The following NYAP2 variants were observed in gnomAD, a reference collection of about 807,000 sequenced individuals.
NYAP2 encodes the protein neuronal tyrosine-phosphorylated phosphoinositide-3-kinase adaptor 2.
A neutral mutation model predicts 50.4 loss-of-function variants in NYAP2; 23 were observed. The observed-to-expected ratio is 0.46, with a 90% CI of 0.33 to 0.65. The LOEUF is 0.65. Ranked by LOEUF, NYAP2 falls within the 30% of genes least tolerant of loss-of-function variation. The pLI is 0.02. For synonymous variants in NYAP2, 394 were observed against 365.2 expected (o/e 1.08, Z -0.90); for missense variants, 885 against 861.0 (o/e 1.03, Z -0.35).
At chr2:225,546,878 G>A (rs1364045933) in intron 4 of NYAP2, among the ~76,000 whole-genome samples, 3 of 152,132 alleles carry the variant, frequency 2.0e-5, no homozygotes, top group Non-Finnish European at 4.4e-5. Flanking sequence ...GCTCTTCAGG[G>A]CCTGCAAGCT....
At chr2:225,453,924 G>C (rs1033982494) in intron 3 of NYAP2, among the ~76,000 whole-genome samples, 1 of 149,466 alleles carries the variant, frequency 6.7e-6, no homozygotes, top group Admixed American at 6.7e-5. Flanking sequence ...TGATCTTCCT[G>C]CCTTGGCCTC....
intron 3 of NYAP2, among the ~76,000 whole-genome samples, chr2:225,498,432 G>A: frequency 6.6e-6 from 1 of 151,968 alleles, no homozygotes; most frequent in Non-Finnish European, 1.5e-5. Flanking sequence ...TTATGTGAGT[G>A]GATATGACGA....
the NYAP2 span, among the ~76,000 whole-genome samples, chr2:225,683,047 G>C: frequency 1.3e-5 from 2 of 152,030 alleles, no homozygotes; most frequent in African/African-American, 2.4e-5. Context: ...ACTCTTCCCA[G>C]TATTATTCCT....
chr2:225,561,174 C>T (rs553919543), intron 4 of NYAP2, among the ~76,000 whole-genome samples: 9 of 151,914 alleles, frequency 5.9e-5, no homozygotes, highest in South Asian at 4.2e-4. Context: ...ATTAGGGGGA[C>T]GACAGACAGG....
rs570241415 is a variant in NYAP2, at chr2:225,644,253, C to T, written c.1829-7179C>T. On this transcript the variant is annotated intron_variant, in intron 6 of 6. Coordinates refer to ENST00000636099, the Ensembl canonical transcript of NYAP2. ...ATAAATGCCTTCTTTTGAGAAGTGT[C>T]TGTTCATGTCCTTCACCCACTTTTT... Among the ~76,000 whole-genome samples the T allele has an allele frequency of 3.3e-5, 5 of 152,274 alleles. No individual in the cohort carries two copies. In the South Asian group the frequency reaches 1.0e-3, roughly 32 times the overall value.
At chr2:225,429,299 C>T (rs1275241096) in intron 3 of NYAP2, among the ~76,000 whole-genome samples, 2 of 152,138 alleles carry the variant, frequency 1.3e-5, no homozygotes, top group Admixed American at 6.5e-5. Flanking sequence ...AATTCAAATG[C>T]TAAGCTTGCA....
the NYAP2 span, among the ~76,000 whole-genome samples, chr2:225,665,447 G>T: frequency 6.6e-6 from 1 of 152,028 alleles, no homozygotes; most frequent in Admixed American, 6.6e-5. Context: ...TTCCTGTCCT[G>T]CTGGTCTTCT....
intron 5 of NYAP2, among the ~76,000 whole-genome samples, chr2:225,618,680 T>A (rs1693033109): frequency 6.6e-6 from 1 of 152,038 alleles, no homozygotes; most frequent in Non-Finnish European, 1.5e-5. Flanking sequence ...CAACTCATCA[T>A]CTCCACAATT....
At chr2:225,402,511 C>T (rs1289866593) in intron 2 of NYAP2, among the ~76,000 whole-genome samples, 4 of 151,950 alleles carry the variant, frequency 2.6e-5, no homozygotes, top group Admixed American at 2.0e-4. Context: ...AATCTCTTTA[C>T]ACCATGGGCA....
At chr2:225,608,957 C>A (rs921568936) in intron 5 of NYAP2, among the ~76,000 whole-genome samples, 3 of 152,090 alleles carry the variant, frequency 2.0e-5, no homozygotes, top group Non-Finnish European at 4.4e-5. Context: ...TCTTTTCATT[C>A]CTTCTGTCAG....
chr2:225,614,601 T>C (rs1351584273), intron 5 of NYAP2, among the ~76,000 whole-genome samples: 2 of 152,244 alleles, frequency 1.3e-5, no homozygotes, highest in East Asian at 3.8e-4. Flanking sequence ...ATTTTTGAAC[T>C]GTATTTGTCA....
chr2:225,536,510 A>G (rs1542367), intron 4 of NYAP2, among the ~76,000 whole-genome samples: 91,828 of 151,914 alleles, frequency 0.6, 28,983 homozygotes, highest in African/African-American at 0.79. Context: ...TATTCTTTTT[A>G]TTGCTGTTGT....
At chr2:225,629,049 T>A (rs1024276442) in intron 6 of NYAP2, among the ~76,000 whole-genome samples, 1 of 152,178 alleles carries the variant, frequency 6.6e-6, no homozygotes, top group Non-Finnish European at 1.5e-5. Flanking sequence ...GTTCGCATAA[T>A]CATGCAGGCA....
the NYAP2 span, among the ~76,000 whole-genome samples, chr2:225,665,838 GC>G: frequency 4.4e-5 from 1 of 22,788 alleles, no homozygotes; most frequent in Non-Finnish European, 1.1e-4. Flanking sequence ...AAAAAAAAAA[GC>G]CCACCACCCA....
At chr2:225,554,787 A>G (rs1691747413) in intron 4 of NYAP2, among the ~76,000 whole-genome samples, 1 of 152,184 alleles carries the variant, frequency 6.6e-6, no homozygotes, top group Non-Finnish European at 1.5e-5. Flanking sequence ...ATTTTGCTAA[A>G]TAAGTAGCTT....
exon 7 of NYAP2, chr2:225,653,365 G>C (rs147666274): frequency 3.9e-5 from 6 of 152,196 alleles, no homozygotes; most frequent in African/African-American, 1.4e-4. Context: ...AATGAAAGCA[G>C]GTTCTTGGGA....
intron 3 of NYAP2, among the ~76,000 whole-genome samples, chr2:225,417,313 A>G (rs1170814846): frequency 6.6e-6 from 1 of 152,202 alleles, no homozygotes; most frequent in Non-Finnish European, 1.5e-5. Context: ...AAATGTCTTC[A>G]TTATACATGT....
At chr2:225,622,755 T>G (rs1311280096) in intron 5 of NYAP2, among the ~76,000 whole-genome samples, 1 of 151,788 alleles carries the variant, frequency 6.6e-6, no homozygotes. Flanking sequence ...AATTTTTGTG[T>G]TTTTAGTAGA....
At chr2:225,452,214 T>C (rs1689664946) in intron 3 of NYAP2, among the ~76,000 whole-genome samples, 1 of 152,194 alleles carries the variant, frequency 6.6e-6, no homozygotes, top group Non-Finnish European at 1.5e-5. Context: ...GTCCTTTAAC[T>C]TCTTCATATC....
Sources: allele counts gnomAD v4.1 joint callset (sites outside exome capture counted in the v4.1 genomes callset), GRCh38; gene constraint gnomAD v4.1.1; transcripts MANE v1.5; gene names NCBI Gene and HGNC (gene_info 2026-07-23, HGNC 2026-07-21).